The following LCN10 variants were observed in gnomAD, a reference collection of about 807,000 sequenced individuals.
LCN10 encodes epididymal-specific lipocalin-10.
LCN10 carries 18 observed loss-of-function variants against 25.1 expected under a neutral mutation model. That is an observed-to-expected ratio of 0.72 (90% confidence interval 0.50 to 1.06). The LOEUF is 1.06. Among genes scored for constraint, LCN10 ranks in the 50% least tolerant of loss-of-function variants. LCN10 has a pLI of 0.00. For synonymous variants in LCN10, 130 were observed against 116.7 expected (o/e 1.11, Z -0.73); for missense variants, 257 against 258.9 (o/e 0.99, Z 0.05).
rs751195542 is a variant in LCN10, at chr9:136,739,553, G to A, written c.575C>T (p.Ala192Val). The A allele has an allele frequency of 8.7e-6, 14 of 1,600,190 alleles. No individual in the cohort carries two copies. Among genetic ancestry groups the A allele is most frequent in the Middle Eastern group, 1.7e-4 (1 of 6,008 alleles). Residue 192 changes from alanine (A) to valine (V), a missense_variant and splice_region_variant, in exon 6 of 6, where the codon GCG becomes GTG. Transcript: ENST00000497771. The surrounding 1 kb of genome is among the most constrained non-coding windows in gnomAD (Gnocchi z 6.1). Reference protein sequence around the residue: ...SKAAVILPKDASRTHTILP With the variant: ...SKAAVILPKDVSRTHTILP ...TGGCAGGATGGTGTGTGTACGGGACGCTGTGGGAGAGGAAAACAGCCACAT... is the reference window on the plus strand; with the variant it reads ...TGGCAGGATGGTGTGTGTACGGGACACTGTGGGAGAGGAAAACAGCCACAT...
rs750354699 is a variant in LCN10 at position 136,741,933 on chromosome 9, C to T, written c.205G>A (p.Val69Met). 1.1e-5 allele frequency: 18 copies of T among 1,610,906 alleles called. No homozygotes were observed. In the East Asian group the frequency reaches 2.7e-4, roughly 24 times the overall value. ...ARDKRKLGAS[V>M]VKVNKVGQLR... is the part of the protein sequence containing the mutation. ...TGGCCCACTTTGTTCACCTTTACCA[C>T]GGACGCCCCCAGCTTCCTCTTGTCC... Residue 69 changes from valine (V) to methionine (M), a missense_variant, in exon 2 of 6, where the codon GTG (valine) becomes ATG (methionine). Val to Met is a conservative substitution (Grantham distance 21, BLOSUM62 1). Transcript: ENST00000497771.
intron 2 of LCN10, 102 bp from the exon 3 acceptor site, chr9:136,741,463 C>T (rs1846932502): frequency 6.3e-6 from 6 of 959,212 alleles, no homozygotes; most frequent in Admixed American, 2.2e-5. Context: ...CCCCTGCTCC[C>T]GTGGGACCCG....
rs1846930712 is a variant in LCN10, at chr9:136,741,380, C to T, written c.258-19G>A. The T allele has an allele frequency of 6.3e-7, 1 of 1,583,690 alleles. No individual in the cohort carries two copies. The highest frequency in any genetic ancestry group is 2.2e-5 in the East Asian group (1 of 44,758). On this transcript the variant is annotated intron_variant, in intron 2 of 5. Coordinates refer to ENST00000497771, the MANE Select transcript of LCN10 (RefSeq NM_001001712.3). ...CTTCAACCTGGGGCCAAGGCGGGGG[C>T]TCAGGCTGCAGACCAGGGAACCCCT...
intron 3 of LCN10, 154 bp downstream of exon 3, chr9:136,741,098 C>T (rs911633223): frequency 6.2e-6 from 6 of 973,846 alleles, no homozygotes; most frequent in Non-Finnish European, 9.3e-6. Flanking sequence ...CCCTCCCGGG[C>T]CAGGCCGCCC....
At chr9:136,741,857 G>T in intron 2 of LCN10, 24 bp downstream of exon 2, 1 of 1,587,156 alleles carries the variant, frequency 6.3e-7, no homozygotes, top group East Asian at 2.3e-5. Context: ...GGAGACCCTT[G>T]CCTGGGGGGC....
rs1046318106 is a variant in LCN10, at chr9:136,739,137, T to C, written c.*388A>G. The C allele has an allele frequency of 1.3e-5, 3 of 235,358 alleles. No homozygotes were observed. The highest frequency in any genetic ancestry group is 2.6e-5 in the Non-Finnish European group (3 of 117,486). The allele number at this position is 235,358 out of a possible 1,614,324, so 14.6% of individuals were successfully genotyped here. ...CATGTTGGGTGGATATGCGAACGGC[T>C]TCCTGAGAAAGTGCAGGATGTAAAG... On this transcript the variant is annotated 3_prime_UTR_variant, in exon 6 of 6. Coordinates refer to ENST00000497771, the MANE Select transcript of LCN10 (RefSeq NM_001001712.3). The surrounding 1 kb of genome is among the most constrained non-coding windows in gnomAD (Gnocchi z 6.1).
chr9:136,741,329 A>G lies in LCN10; in HGVS notation c.290T>C (p.Leu97Pro), dbSNP rs758172684. Residue 97 changes from leucine (L) to proline (P), a missense_variant, in exon 3 of 6, where the codon CTG (leucine) becomes CCG (proline). Leu to Pro is a moderately conservative substitution (Grantham distance 98, BLOSUM62 -3). Coordinates refer to ENST00000497771, the MANE Select transcript of LCN10 (RefSeq NM_001001712.3). ...CACCGGCTTCTTCCCGTCTTTCCTC[A>G]GGATCACCTCCTGGGACTGGCACCC... Reference protein sequence around the residue: ...LKGCQSQEVILRKDGKKPVFG... With the variant: ...LKGCQSQEVIPRKDGKKPVFG... The G allele has an allele frequency of 2.5e-6, 4 of 1,613,026 alleles. No individual in the cohort carries two copies. In the South Asian group the frequency reaches 4.4e-5, roughly 18 times the overall value.
Position 136,739,893 on chromosome 9 carries a change from C to G in LCN10, c.574+57G>C, listed in dbSNP as rs548170678. On this transcript the variant is annotated intron_variant, in intron 5 of 5. Transcript: ENST00000497771. This position sits in a 1 kb window ranked among gnomAD's most constrained non-coding sequence, Gnocchi z 6.1. ...CTCTCCTTCCCCCAATGAATCAGCT[C>G]CCCAATGGGACGGGCAGGTAGGGCC... 6.1e-5 allele frequency: 80 copies of G among 1,316,534 alleles called. No homozygotes were observed. Among genetic ancestry groups the G allele is most frequent in the Non-Finnish European group, 8.3e-5 (77 of 931,742 alleles). 81.6% of individuals were successfully genotyped at this position (1,316,534 alleles called of 1,614,324 possible). A position where few individuals can be genotyped will look rare whatever the true frequency, so the allele number is the denominator to read the frequency against.
Position 136,741,910 on chromosome 9 carries a change from G to T in LCN10, c.228C>A (p.Gly76=). 6.2e-7 allele frequency: 1 copy of T among 1,609,118 alleles called. No homozygotes were observed. Among genetic ancestry groups the T allele is most frequent in the Non-Finnish European group, 8.5e-7 (1 of 1,178,208 alleles). The change falls in exon 2 of 6, where the codon GGC becomes GGA. Residue 76 remains glycine, a synonymous_variant. Coordinates refer to ENST00000497771, the MANE Select transcript of LCN10 (RefSeq NM_001001712.3). ...TGAAGGCGAGGAGCACGCGGAGCTG[G>T]CCCACTTTGTTCACCTTTACCACGG... is the stretch of plus-strand genomic sequence containing the variant. ...GASVVKVNKV[G]QLRVLLAFRR... is the part of the protein sequence containing the mutation.
Position 136,740,547 on chromosome 9 carries a change from C to T in LCN10, c.475+289G>A. 2.0e-6 allele frequency: 1 copy of T among 508,676 alleles called. No homozygotes were observed. The highest frequency in any genetic ancestry group is 3.5e-6 in the Non-Finnish European group (1 of 283,922). 31.5% of individuals were successfully genotyped at this position (508,676 alleles called of 1,614,324 possible). A position where few individuals can be genotyped will look rare whatever the true frequency, so the allele number is the denominator to read the frequency against. On this transcript the variant is annotated intron_variant, in intron 4 of 5. Transcript: ENST00000497771. This position sits in a 1 kb window ranked among gnomAD's most constrained non-coding sequence, Gnocchi z 5.3. ...GCCTCCTCATCCCCACTGTGTCCCT[C>T]ACCCAGAACGTTGCACCTGCACCCG...
At position 136,740,489 on chromosome 9, in the gene LCN10, C is replaced by G; in HGVS notation, c.475+347G>C. ...CTGGGTCACTTCCACACCCCTCCAT[C>G]CCGGGCAGACCCTTACCTGGGACCC... On this transcript the variant is annotated intron_variant, in intron 4 of 5. Transcript: ENST00000497771. The surrounding 1 kb of genome is among the most constrained non-coding windows in gnomAD (Gnocchi z 5.3). 2.2e-6 allele frequency: 1 copy of G among 450,752 alleles called. No homozygotes were observed. Among genetic ancestry groups the G allele is most frequent in the South Asian group, 3.0e-5 (1 of 32,948 alleles). The allele number at this position is 450,752 out of a possible 1,614,324, so 27.9% of individuals were successfully genotyped here.
Position 136,738,755 on chromosome 9 carries a change from C to A in LCN10, c.*770G>T, listed in dbSNP as rs73668366. 5,837 of 152,328 alleles carry A rather than the reference C, an allele frequency of 0.038. 180 individuals are homozygous for A. Among genetic ancestry groups the A allele is most frequent in the East Asian group, 0.12 (606 of 5,180 alleles). The allele number at this position is 152,328 out of a possible 1,614,324, so 9.4% of individuals were successfully genotyped here. ...TCTGATGTCTTTTCAGAAGTCACAT[C>A]CTGTTCTGGGGATGCACCCCTGCTC... On this transcript the variant is annotated 3_prime_UTR_variant, in exon 6 of 6. Transcript: ENST00000497771.
rs375175042 is a variant in LCN10 at position 136,741,010 on chromosome 9, G to C, written c.368-67C>G. The stretch of plus-strand genomic sequence containing the variant: ...CGTGGCTGTGCCCGCCCACAGCCCT[G>C]ACCCCTGGTGCCCGAGGCCTCAGAG... On this transcript the variant is annotated intron_variant, in intron 3 of 5. Coordinates refer to ENST00000497771, the MANE Select transcript of LCN10 (RefSeq NM_001001712.3). 88 of 1,394,534 alleles carry C rather than the reference G, an allele frequency of 6.3e-5. 1 individual carries two copies. Among genetic ancestry groups the C allele is most frequent in the Middle Eastern group, 3.6e-4 (2 of 5,604 alleles). The allele number at this position is 1,394,534 out of a possible 1,614,324, so 86.4% of individuals were successfully genotyped here. A position where few individuals can be genotyped will look rare whatever the true frequency, so the allele number is the denominator to read the frequency against.
chr9:136,742,796 GT>G lies in LCN10; in HGVS notation c.107del (p.Asn36ThrfsTer35). On this transcript the variant is annotated frameshift_variant, in exon 1 of 6. Coordinates refer to ENST00000497771, the MANE Select transcript of LCN10 (RefSeq NM_001001712.3). LOFTEE classifies it high-confidence loss of function. ...EWYPRESHAL[N>X]WNKFSGFWYI... ...GTGGCACATGGCTCACCTTGTTCCA[GT>G]TGAGGGCGTGGGACTCCCTGGGGTA... The G allele has an allele frequency of 6.2e-7, 1 of 1,613,414 alleles. No homozygotes were observed. The highest frequency in any genetic ancestry group is 8.5e-7 in the Non-Finnish European group (1 of 1,179,772).
Position 136,741,277 on chromosome 9 carries a change from C to A in LCN10, c.342G>T (p.Ala114=), listed in dbSNP as rs199856415. 10 of 1,613,464 alleles carry A rather than the reference C, an allele frequency of 6.2e-6. No individual in the cohort carries two copies. The highest frequency in any genetic ancestry group is 8.5e-6 in the Non-Finnish European group (10 of 1,179,816). Residue 114 remains alanine (A), a synonymous_variant, in exon 3 of 6, where the codon GCG becomes GCT. Transcript: ENST00000497771. ...CTCCCTCCTGTCCTTCCCTCGGGCC[C>A]GCCGCGTATGCACAGGCGTTCCCAA... ...PVFGNACAYA[A]GPREGQEGVK...
rs758310751 is a variant in LCN10, at chr9:136,740,830, G to C, written c.475+6C>G. 3.7e-6 allele frequency: 6 copies of C among 1,608,708 alleles called. No individual in the cohort carries two copies. The African/African-American group carries it at 5.3e-5, about 14-fold the overall frequency. On this transcript the variant is annotated splice_donor_region_variant and intron_variant, in intron 4 of 5. Transcript: ENST00000497771. This position sits in a 1 kb window ranked among gnomAD's most constrained non-coding sequence, Gnocchi z 5.3. ...CCATCCTCTGCCATCCGCTGTGCCT[G>C]CTCACGGAAGAGCAGCAGGTTCTTG... is the stretch of plus-strand genomic sequence containing the variant.
At position 136,740,621 on chromosome 9, in the gene LCN10, G is replaced by T. The variant is rs1846910909; in HGVS notation, c.475+215C>A. 1 of 557,722 alleles carries T rather than the reference G, an allele frequency of 1.8e-6. No homozygotes were observed. Among genetic ancestry groups the T allele is most frequent in the Admixed American group, 3.1e-5 (1 of 32,140 alleles). The allele number at this position is 557,722 out of a possible 1,614,324, so 34.5% of individuals were successfully genotyped here. On this transcript the variant is annotated intron_variant, in intron 4 of 5. Coordinates refer to ENST00000497771, the MANE Select transcript of LCN10 (RefSeq NM_001001712.3). The surrounding 1 kb of genome is among the most constrained non-coding windows in gnomAD (Gnocchi z 5.3). Reference sequence around the variant, plus strand: ...CCCCCTGGATGGCCCACCTTTCTCTGCAGCCTCTTCCTGACGTCCCCTATC... The same window carrying T: ...CCCCCTGGATGGCCCACCTTTCTCTTCAGCCTCTTCCTGACGTCCCCTATC...
In LCN10 at chr9:136,741,913, C is replaced by T. The variant is rs1236094837; in HGVS notation, c.225G>A (p.Val75=). 3 of 1,609,532 alleles carry T rather than the reference C, an allele frequency of 1.9e-6. No homozygotes were observed. Among genetic ancestry groups the T allele is most frequent in the Admixed American group, 1.7e-5 (1 of 59,546 alleles). ...AGGCGAGGAGCACGCGGAGCTGGCC[C>T]ACTTTGTTCACCTTTACCACGGACG... is the stretch of plus-strand genomic sequence containing the variant. ...LGASVVKVNK[V]GQLRVLLAFR... The change falls in exon 2 of 6, where the codon GTG becomes GTA. Residue 75 remains valine (V), a synonymous_variant. Transcript: ENST00000497771.
Position 136,741,234 on chromosome 9 carries a change from C to CCT in LCN10, c.367+17_367+18insAG. The CCT allele has an allele frequency of 1.2e-6, 2 of 1,608,520 alleles. No individual in the cohort carries two copies. The highest frequency in any genetic ancestry group is 1.7e-6 in the Non-Finnish European group (2 of 1,175,684). The stretch of plus-strand genomic sequence containing the variant: ...GGCATATCACGCAGCTCCTCCAGGG[C>CCT]CCAGAGCCCAAGCACACCTCCCTCC... On this transcript the variant is annotated intron_variant, in intron 3 of 5. Coordinates refer to ENST00000497771, the MANE Select transcript of LCN10 (RefSeq NM_001001712.3).
Sources: allele counts gnomAD v4.1 joint callset, GRCh38; gene constraint gnomAD v4.1.1; non-coding constraint Gnocchi (gnomAD v3.1); transcripts MANE v1.5; gene names NCBI Gene and HGNC (gene_info 2026-07-23, HGNC 2026-07-21).